Variants in SAG observed in about 807,000 individuals in gnomAD.
SAG encodes the protein S-antigen visual arrestin.
Under a neutral mutation model 55.0 loss-of-function variants are expected in SAG, and 45 were observed. That is an observed-to-expected ratio of 0.82 (90% CI 0.64 to 1.05). SAG has a LOEUF of 1.05. SAG is among the 50% of genes least tolerant of loss of function. SAG has a pLI of 0.00. For missense variants in SAG, 455 were observed against 512.1 expected (o/e 0.89, Z 1.08); for synonymous variants, 189 against 197.4 (o/e 0.96, Z 0.36).
chr2:233,312,426 G>T (rs1291556698), intron 2 of SAG, among the ~76,000 whole-genome samples: 1 of 152,186 alleles, frequency 6.6e-6, no homozygotes, highest in Admixed American at 6.5e-5. Flanking sequence ...CTGTCTCATT[G>T]AGTTGCTGTG....
At chr2:233,329,656 GTCTGAT>G in intron 9 of SAG, 79 bp downstream of exon 9, 1 of 957,738 alleles carries the variant, frequency 1.0e-6, no homozygotes, top group Non-Finnish European at 1.7e-6. Flanking sequence ...CACTTCTCTG[GTCTGAT>G]AAGGCCCTTC....
intron 1 of SAG, among the ~76,000 whole-genome samples, chr2:233,308,604 A>T (rs565704658): frequency 1.2e-3 from 189 of 151,674 alleles, no homozygotes; most frequent in African/African-American, 2.0e-3. Flanking sequence ...CTTTTTTTTT[A>T]AAAAAAGTGA....
rs1020257830 is a variant in SAG, at chr2:233,320,479, G to C, written c.182-151G>C. ...GGGGCTGATTCTCCAGAGTGGTGTG[G>C]AGTAGCTGGGTGGCAGGGTTCTCTC... On this transcript the variant is annotated intron_variant, in intron 4 of 15. Coordinates refer to ENST00000409110, the MANE Select transcript of SAG (RefSeq NM_000541.5). The C allele has an allele frequency of 2.4e-5, 14 of 579,120 alleles. No individual in the cohort carries two copies. The African/African-American group carries it at 2.7e-4, about 11-fold the overall frequency. The allele number at this position is 579,120 out of a possible 1,614,324, so 35.9% of individuals were successfully genotyped here.
chr2:233,328,387 G>A (rs1417573664), intron 7 of SAG, 91 bp from the exon 8 acceptor site: 3 of 1,462,888 alleles, frequency 2.1e-6, no homozygotes, highest in Admixed American at 1.9e-5. Flanking sequence ...CATTCCTGGA[G>A]AATCTCCATG....
intron 11 of SAG, among the ~76,000 whole-genome samples, chr2:233,336,967 G>A (rs1349192903): frequency 6.6e-6 from 1 of 152,050 alleles, no homozygotes; most frequent in Non-Finnish European, 1.5e-5. Flanking sequence ...ATGGTGGCAC[G>A]TGCCTGTAGT....
In SAG at chr2:233,346,975, C is replaced by G; in HGVS notation, c.*63C>G. The G allele has an allele frequency of 1.1e-6, 1 of 882,420 alleles. No homozygotes were observed. The highest frequency in any genetic ancestry group is 1.8e-6 in the Non-Finnish European group (1 of 543,050). 54.7% of individuals were successfully genotyped at this position (882,420 alleles called of 1,614,324 possible). On this transcript the variant is annotated 3_prime_UTR_variant, in exon 16 of 16. Coordinates refer to ENST00000409110, the MANE Select transcript of SAG (RefSeq NM_000541.5). ...TACCAGTGCAACGAGCAAAGCCCCA[C>G]AGTTTAGTCCTTTGGAGTTATGCTG...
intron 5 of SAG, among the ~76,000 whole-genome samples, chr2:233,321,972 G>A (rs904967119): frequency 5.6e-5 from 8 of 142,558 alleles, no homozygotes; most frequent in African/African-American, 7.9e-5. Flanking sequence ...GTGAAACCCC[G>A]TCTCTACTAA....
At chr2:233,342,438 G>A (rs1037488488) in intron 14 of SAG, 112 bp downstream of exon 14, 2 of 847,274 alleles carry the variant, frequency 2.4e-6, no homozygotes, top group Non-Finnish European at 1.9e-6. Flanking sequence ...GTGGCCAGGT[G>A]TAAGAGATTC....
intron 6 of SAG, 81 bp downstream of exon 6, chr2:233,323,086 T>G: frequency 1.1e-6 from 1 of 902,558 alleles, no homozygotes; most frequent in South Asian, 1.5e-5. Flanking sequence ...TGAAACAGGG[T>G]TTTACTCTGT....
rs1471644516 is a variant in SAG at position 233,316,057 on chromosome 2, C to T, written c.76-18C>T. 6 of 1,536,336 alleles carry T rather than the reference C, an allele frequency of 3.9e-6. No individual in the cohort carries two copies. The highest frequency in any genetic ancestry group is 1.8e-5 in the Admixed American group (1 of 56,004). On this transcript the variant is annotated intron_variant, in intron 2 of 15. Coordinates refer to ENST00000409110, the MANE Select transcript of SAG (RefSeq NM_000541.5). ...TAGCATTCTTTGGCCCTTAGACCCACACCTGTTCTTCTTGCAGGTGACCAT... is the reference window on the plus strand; with the variant it reads ...TAGCATTCTTTGGCCCTTAGACCCATACCTGTTCTTCTTGCAGGTGACCAT...
chr2:233,334,901 G>A (rs1245372822), intron 10 of SAG, 61 bp from the exon 11 acceptor site: 22 of 1,588,036 alleles, frequency 1.4e-5, no homozygotes, highest in Non-Finnish European at 1.7e-5. Flanking sequence ...GTCAAATAGG[G>A]GCTCATGGGG....
chr2:233,331,515 C>G, intron 9 of SAG, 125 bp from the exon 10 acceptor site: 1 of 727,116 alleles, frequency 1.4e-6, no homozygotes, highest in South Asian at 1.5e-5. Flanking sequence ...GAAAGCCTAG[C>G]CTTGGAAGTG....
At chr2:233,333,529 G>A (rs1700832253) in intron 10 of SAG, 1 of 152,240 alleles carries the variant, frequency 6.6e-6, no homozygotes. Context: ...TGCAGAGCAG[G>A]AGCCATCGTC....
chr2:233,326,191 T>G (rs1285017544), intron 6 of SAG, among the ~76,000 whole-genome samples: 1 of 152,188 alleles, frequency 6.6e-6, no homozygotes, highest in Non-Finnish European at 1.5e-5. Context: ...GGAAGGTCAC[T>G]GGCAGATCCG....
chr2:233,335,216 G>C, intron 11 of SAG, 117 bp downstream of exon 11: 4 of 1,329,800 alleles, frequency 3.0e-6, no homozygotes, highest in South Asian at 3.0e-5. Flanking sequence ...GTGGTCTGGC[G>C]TGTGTAGTGT....
intron 5 of SAG, among the ~76,000 whole-genome samples, chr2:233,321,034 C>T (rs1291509353): frequency 6.6e-6 from 1 of 152,172 alleles, no homozygotes; most frequent in East Asian, 1.9e-4. Flanking sequence ...CCCTTTCAAC[C>T]TACCGTTTAC....
At chr2:233,325,777 A>G (rs1700533279) in intron 6 of SAG, among the ~76,000 whole-genome samples, 1 of 152,304 alleles carries the variant, frequency 6.6e-6, no homozygotes, top group South Asian at 2.1e-4. Flanking sequence ...GCTTCAGGAA[A>G]GTGGGTGCGC....
chr2:233,326,626 C>A (rs1700566841), intron 6 of SAG, among the ~76,000 whole-genome samples: 1 of 151,826 alleles, frequency 6.6e-6, no homozygotes, highest in Admixed American at 6.6e-5. Context: ...GCACTGGGTG[C>A]CTTGCTGCCT....
rs562123217 is a variant in SAG, at chr2:233,312,281, G to A, written c.75+3017G>A. 2.4e-3 allele frequency among the ~76,000 whole-genome samples: 360 copies of A among 152,122 alleles called. 3 individuals are homozygous for A. Among genetic ancestry groups the A allele is most frequent in the African/African-American group, 8.3e-3 (343 of 41,508 alleles). ...CTCTTCACCTGCCCTTGTCTCTCCCGTCCACTCTGCAGTCCCCCTCATCAG... is the reference window on the plus strand; with the variant it reads ...CTCTTCACCTGCCCTTGTCTCTCCCATCCACTCTGCAGTCCCCCTCATCAG... On this transcript the variant is annotated intron_variant, in intron 2 of 15. Coordinates refer to ENST00000409110, the MANE Select transcript of SAG (RefSeq NM_000541.5).
Sources: gnomAD v4.1 joint callset for allele counts (sites outside exome capture counted in the v4.1 genomes callset) on GRCh38, gnomAD v4.1.1 for gene constraint, MANE v1.5 for transcripts, NCBI Gene and HGNC (gene_info 2026-07-23, HGNC 2026-07-21) for gene names.